The following MASP2 variants were observed in gnomAD, a reference collection of about 807,000 sequenced individuals.
MASP2 encodes the protein mannan-binding lectin serine protease 2.
MASP2 carries 49 observed loss-of-function variants against 57.1 expected under a neutral mutation model. The observed-to-expected ratio is 0.86, with a 90% CI of 0.68 to 1.09. The LOEUF (loss-of-function observed/expected upper bound fraction) is 1.09. MASP2 is among the 50% of genes least tolerant of loss of function. The pLI, the probability that MASP2 is intolerant of heterozygous loss-of-function variation, is 0.00. For synonymous variants in MASP2, 379 were observed against 340.8 expected, an observed-to-expected ratio of 1.11 and a Z score of -1.24; for missense variants, 900 against 874.8, an observed-to-expected ratio of 1.03 and a Z score of -0.36.
intron 9 of MASP2, 24 bp from the exon 10 acceptor site, chr1:11,030,274 A>T: frequency 6.5e-7 from 1 of 1,537,792 alleles, no homozygotes; most frequent in Non-Finnish European, 9.0e-7. Context: ...GAAAAGCAAA[A>T]ATGTTTAACT....
Position 11,027,623 on chromosome 1 carries a change from TG to T in MASP2, c.1322del (p.Thr441LysfsTer21). 6 of 1,612,538 alleles carry T rather than the reference TG, an allele frequency of 3.7e-6. No homozygotes were observed. Among genetic ancestry groups the T allele is most frequent in the Non-Finnish European group, 5.1e-6 (6 of 1,179,060 alleles). ...EPVCGLSART[T>X]GGRIYGGQKA... ...TTTGCCCTCCATATATACGCCCTCCTGTTGTGCGGGCTGATAGTCCACAAAC... is the reference window on the plus strand; with the variant it reads ...TTTGCCCTCCATATATACGCCCTCCTTTGTGCGGGCTGATAGTCCACAAAC... On this transcript the variant is annotated frameshift_variant, in exon 11 of 11. Transcript: ENST00000400897. LOFTEE classifies it low-confidence loss of function (END_TRUNC).
chr1:11,037,788 C>G lies in MASP2; in HGVS notation c.913G>C (p.Ala305Pro). The change falls in exon 7 of 11, where the codon GCG becomes CCG. Residue 305 changes from alanine (A) to proline (P), a missense_variant. Coordinates refer to ENST00000400897, the MANE Select transcript of MASP2 (RefSeq NM_006610.4). ...STAQPCPYPM[A>P]PPNGHVSPVQ... ...GGTGAAACGTGGCCATTAGGTGGCG[C>G]CATCGGATAAGGGCAAGGCTGCGCT... The G allele has an allele frequency of 6.2e-7, 1 of 1,612,420 alleles. No individual in the cohort carries two copies. The highest frequency in any genetic ancestry group is 8.5e-7 in the Non-Finnish European group (1 of 1,179,362).
At chr1:11,035,769 G>A (rs1171993455) in intron 7 of MASP2, among the ~76,000 whole-genome samples, 1 of 151,854 alleles carries the variant, frequency 6.6e-6, no homozygotes, top group Non-Finnish European at 1.5e-5. Flanking sequence ...GTTGGCGCTT[G>A]CCTGTAGTCC....
chr1:11,041,035 A>G (rs1283751332), intron 6 of MASP2, among the ~76,000 whole-genome samples: 1 of 140,598 alleles, frequency 7.1e-6, no homozygotes, highest in Non-Finnish European at 1.5e-5. Flanking sequence ...GAATATGTGG[A>G]TGGGTAGATG....
chr1:11,032,866 G>A (rs540581405), intron 8 of MASP2, among the ~76,000 whole-genome samples: 2 of 152,022 alleles, frequency 1.3e-5, no homozygotes, highest in Non-Finnish European at 1.5e-5. Flanking sequence ...CCGAGATGGC[G>A]CCACTCCACT....
chr1:11,046,555 C>T lies in MASP2; in HGVS notation c.412+1G>A, dbSNP rs781037969. 25 of 1,613,862 alleles carry T rather than the reference C, an allele frequency of 1.5e-5. 1 individual carries two copies. In the South Asian group the frequency reaches 2.3e-4, roughly 15 times the overall value. The stretch of plus-strand genomic sequence containing the variant: ...ATGTTGCAGGACCCCTCTTGGCTCA[C>T]CCTCGGCTGCATAGAAGGCCTCGAA... On this transcript the variant is annotated splice_donor_variant, in intron 3 of 10. Transcript: ENST00000400897. LOFTEE classifies it high-confidence loss of function.
At chr1:11,038,439 G>T (rs986086300) in intron 6 of MASP2, among the ~76,000 whole-genome samples, 1 of 152,156 alleles carries the variant, frequency 6.6e-6, no homozygotes, top group Non-Finnish European at 1.5e-5. Context: ...AAAGATCCAG[G>T]CTGATTTGGG....
Position 11,030,158 on chromosome 1 carries a change from T to C in MASP2, c.1297+18A>G. On this transcript the variant is annotated intron_variant, in intron 10 of 10. Coordinates refer to ENST00000400897, the MANE Select transcript of MASP2 (RefSeq NM_006610.4). ...CTTTCCATCAATTACCAGTCTCTTG[T>C]ATAAATGTATCCATTACCAGGCTCA... is the stretch of plus-strand genomic sequence containing the variant. 5.7e-6 allele frequency: 9 copies of C among 1,586,172 alleles called. No homozygotes were observed. The highest frequency in any genetic ancestry group is 7.8e-6 in the Non-Finnish European group (9 of 1,155,992).
intron 6 of MASP2, 44 bp downstream of exon 6, chr1:11,042,831 G>A (rs765003861): frequency 1.9e-5 from 31 of 1,605,986 alleles, no homozygotes; most frequent in Non-Finnish European, 1.7e-6. Context: ...AGGAGAGAGG[G>A]CAGCTCTGCG....
intron 8 of MASP2, among the ~76,000 whole-genome samples, chr1:11,031,776 C>A (rs1481974239): frequency 6.6e-6 from 1 of 151,464 alleles, no homozygotes; most frequent in Non-Finnish European, 1.5e-5. Flanking sequence ...GGTAAATTGG[C>A]TGGGCTTGGT....
At chr1:11,036,338 A>G (rs1638226103) in intron 7 of MASP2, among the ~76,000 whole-genome samples, 2 of 150,312 alleles carry the variant, frequency 1.3e-5, no homozygotes, top group Admixed American at 1.3e-4. Flanking sequence ...CCCCGTCTCT[A>G]CTAAAAATAC....
Position 11,045,161 on chromosome 1 carries a change from C to A in MASP2, c.544+247G>T, listed in dbSNP as rs1299631423. 7 of 746,974 alleles carry A rather than the reference C, an allele frequency of 9.4e-6. No homozygotes were observed. The East Asian group carries it at 1.9e-4, about 20-fold the overall frequency. 46.3% of individuals were successfully genotyped at this position (746,974 alleles called of 1,614,324 possible). A position where few individuals can be genotyped will look rare whatever the true frequency, so the allele number is the denominator to read the frequency against. ...GGCTACATGAGGGGTTCCCAGAGCCCAGGTGGAACCAGGTACACAGTGGGA... is the reference window on the plus strand; with the variant it reads ...GGCTACATGAGGGGTTCCCAGAGCCAAGGTGGAACCAGGTACACAGTGGGA... On this transcript the variant is annotated intron_variant, in intron 4 of 10. Transcript: ENST00000400897.
intron 6 of MASP2, among the ~76,000 whole-genome samples, chr1:11,041,194 G>T (rs1307146106): frequency 6.6e-5 from 10 of 150,678 alleles, no homozygotes. Context: ...ATGGATGGAA[G>T]GATGTGTTGG....
At chr1:11,038,542 C>T (rs1044095147) in intron 6 of MASP2, among the ~76,000 whole-genome samples, 1 of 152,164 alleles carries the variant, frequency 6.6e-6, no homozygotes, top group African/African-American at 2.4e-5. Context: ...CCCCAGCTGC[C>T]CCTAAAAACC....
chr1:11,027,374 A>G lies in MASP2; in HGVS notation c.1572T>C (p.Thr524=), dbSNP rs1643755606. 6.2e-7 allele frequency: 1 copy of G among 1,614,112 alleles called. No individual in the cohort carries two copies. Among genetic ancestry groups the G allele is most frequent in the Admixed American group, 1.7e-5 (1 of 59,988 alleles). Residue 524 remains threonine (T), a synonymous_variant, in exon 11 of 11, where the codon ACT becomes ACC. Transcript: ENST00000400897. ...SEAVFIHEGY[T]HDAGFDNDIA... ...TGTCATTGTCAAAGCCAGCATCATG[A>G]GTATAACCTTCATGTATAAAAACAG...
chr1:11,041,628 TGG>T, intron 6 of MASP2, among the ~76,000 whole-genome samples: 1 of 146,626 alleles, frequency 6.8e-6, no homozygotes, highest in Admixed American at 6.8e-5. Flanking sequence ...GATGGATGGA[TGG>T]ATGGATGGAA....
chr1:11,047,223 C>T lies in MASP2; in HGVS notation c.-16G>A. On this transcript the variant is annotated 5_prime_UTR_variant, in exon 1 of 11. Transcript: ENST00000400897. ...CCTACCTCATGGTGTGCCCGTCCAG[C>T]TGGCCTGGCCTGGTCTGCAGCCCTA... 1.3e-6 allele frequency: 2 copies of T among 1,556,624 alleles called. No homozygotes were observed. Among genetic ancestry groups the T allele is most frequent in the Non-Finnish European group, 1.7e-6 (2 of 1,154,004 alleles).
At chr1:11,047,158 G>T in intron 1 of MASP2, 39 bp from the exon 2 acceptor site, 1 of 1,554,256 alleles carries the variant, frequency 6.4e-7, no homozygotes. Context: ...CCAGGCCTGT[G>T]CTCCCACCCC....
At chr1:11,043,050 G>A (rs1386333937) in intron 5 of MASP2, 28 bp from the exon 6 acceptor site, 2 of 1,610,760 alleles carry the variant, frequency 1.2e-6, no homozygotes, top group Non-Finnish European at 1.7e-6. Context: ...GAAAGCTGGG[G>A]AGCAGCTGCC....
Sources: allele counts gnomAD v4.1 joint callset (sites outside exome capture counted in the v4.1 genomes callset), GRCh38; gene constraint gnomAD v4.1.1; transcripts MANE v1.5; gene names NCBI Gene and HGNC (gene_info 2026-07-23, HGNC 2026-07-21).